MAF: variants seen among roughly 807,000 people sequenced by gnomAD.
The protein encoded by MAF is MAF bZIP transcription factor.
In MAF, 10 loss-of-function variants were observed where a neutral mutation model predicts 22.0. That is an observed-to-expected ratio of 0.45 (90% CI 0.28 to 0.77). MAF has a LOEUF of 0.77. MAF is among the 30% of genes least tolerant of loss of function. The probability of loss-of-function intolerance (pLI) is 0.12; values close to 1 mark genes in which losing one functional copy is unlikely to be tolerated. For synonymous variants in MAF, 337 were observed against 255.8 expected, an observed-to-expected ratio of 1.32 and a Z score of -3.03; for missense variants, 544 against 548.4, an observed-to-expected ratio of 0.99 and a Z score of 0.08.
At chr16:79,212,778 T>C in the MAF span, 1 of 152,144 alleles carries the variant, frequency 6.6e-6, no homozygotes, top group Admixed American at 6.5e-5. Flanking sequence ...ATAAAGCGCT[T>C]CTCGTAGATG....
chr16:79,215,108 G>A, the MAF span, among the ~76,000 whole-genome samples: 2 of 152,140 alleles, frequency 1.3e-5, no homozygotes, highest in Admixed American at 6.5e-5. Flanking sequence ...TCAATCTGCT[G>A]TTGTCCATAC....
the MAF span, among the ~76,000 whole-genome samples, chr16:79,575,887 CTCATTCCA>C: frequency 1.3e-5 from 2 of 152,140 alleles, no homozygotes; most frequent in Non-Finnish European, 2.9e-5. Context: ...CCTTGGAAGG[CTCATTCCA>C]TCACAAATGT....
the MAF span, among the ~76,000 whole-genome samples, chr16:79,246,611 T>C: frequency 2.0e-5 from 3 of 149,946 alleles, no homozygotes; most frequent in Middle Eastern, 3.4e-3. Flanking sequence ...AAAAAAGGAG[T>C]AGAAAACATG....
At chr16:79,568,193 C>T in the MAF span, among the ~76,000 whole-genome samples, 1 of 152,194 alleles carries the variant, frequency 6.6e-6, no homozygotes, top group African/African-American at 2.4e-5. Flanking sequence ...GGCATTTTAC[C>T]TCTGCGGCTG....
the MAF span, among the ~76,000 whole-genome samples, chr16:79,384,165 C>T: frequency 2.0e-5 from 3 of 151,992 alleles, no homozygotes; most frequent in East Asian, 1.9e-4. Flanking sequence ...AAGTGATGGC[C>T]GGGGGTGGTG....
chr16:79,351,623 G>C, the MAF span, among the ~76,000 whole-genome samples: 1 of 151,806 alleles, frequency 6.6e-6, no homozygotes, highest in Non-Finnish European at 1.5e-5. Flanking sequence ...TCTTGGAATT[G>C]TGGATTCAGG....
the MAF span, among the ~76,000 whole-genome samples, chr16:79,215,201 T>C: frequency 6.6e-6 from 1 of 152,222 alleles, no homozygotes; most frequent in Admixed American, 6.5e-5. Context: ...CCAGTGCCAC[T>C]GCTCCTTCCA....
the MAF span, among the ~76,000 whole-genome samples, chr16:79,228,958 G>A: frequency 1.3e-5 from 2 of 151,726 alleles, no homozygotes; most frequent in Non-Finnish European, 2.9e-5. Flanking sequence ...GGGAATGAGG[G>A]GCCAAGATGG....
At chr16:79,295,647 AG>A in the MAF span, among the ~76,000 whole-genome samples, 1 of 152,360 alleles carries the variant, frequency 6.6e-6, no homozygotes, top group African/African-American at 2.4e-5. Context: ...TAACCTGACC[AG>A]GTTTAATGCA....
chr16:79,318,551 G>T, the MAF span, among the ~76,000 whole-genome samples: 2 of 152,154 alleles, frequency 1.3e-5, no homozygotes, highest in Admixed American at 6.5e-5. Context: ...AAACTACATT[G>T]CTGGGTGTCA....
the MAF span, among the ~76,000 whole-genome samples, chr16:79,261,867 G>A: frequency 3.7e-3 from 565 of 152,332 alleles, 3 homozygotes; most frequent in African/African-American, 0.013. Context: ...TAGTGGAAGG[G>A]AGGGGCCAGA....
At chr16:79,524,853 A>G in the MAF span, among the ~76,000 whole-genome samples, 5 of 152,364 alleles carry the variant, frequency 3.3e-5, no homozygotes, top group South Asian at 6.2e-4. Flanking sequence ...GTGCTGTTCA[A>G]CTGTGTCAGG....
chr16:79,362,980 C>T, the MAF span, among the ~76,000 whole-genome samples: 16 of 152,142 alleles, frequency 1.1e-4, no homozygotes, highest in African/African-American at 3.6e-4. Context: ...ATCCTGTTAG[C>T]CTTGCATAAG....
chr16:79,379,169 C>T, the MAF span, among the ~76,000 whole-genome samples: 1 of 152,170 alleles, frequency 6.6e-6, no homozygotes, highest in African/African-American at 2.4e-5. Context: ...CAAGAATGTT[C>T]TCTTACTTGG....
At chr16:79,356,826 C>T in the MAF span, among the ~76,000 whole-genome samples, 1 of 152,186 alleles carries the variant, frequency 6.6e-6, no homozygotes, top group Non-Finnish European at 1.5e-5. Context: ...AATGCTTGCA[C>T]TTGTGGGTCT....
the MAF span, among the ~76,000 whole-genome samples, chr16:79,574,244 A>G: frequency 6.6e-6 from 1 of 152,194 alleles, no homozygotes. Flanking sequence ...GCGATCAAGT[A>G]TCTTGGTTAA....
chr16:79,590,422 G>A (rs1442470767), downstream of MAF, among the ~76,000 whole-genome samples: 1 of 152,178 alleles, frequency 6.6e-6, no homozygotes, highest in Non-Finnish European at 1.5e-5. Flanking sequence ...CTTAAAGTGG[G>A]GCGGAGGTGA....
Position 79,599,375 on chromosome 16 carries a change from G to A in MAF, c.528C>T (p.Gly176=). Residue 176 remains glycine (G), a synonymous_variant, in exon 1 of 2, where the codon GGC becomes GGT. Transcript: ENST00000326043. ...GGTGGTGGTGGTAGTGCGGGCCCGC[G>A]CCGCTCTGCGCGGCGGCCGCGGCGA... ...AVIAAAAAQS[G]AGPHYHHHHH... The A allele has an allele frequency of 4.0e-6, 4 of 1,004,262 alleles. No individual in the cohort carries two copies. Among genetic ancestry groups the A allele is most frequent in the Non-Finnish European group, 4.7e-6 (4 of 844,298 alleles). The allele number at this position is 1,004,262 out of a possible 1,614,324, so 62.2% of individuals were successfully genotyped here.
chr16:79,265,259 A>G, the MAF span, among the ~76,000 whole-genome samples: 2 of 152,206 alleles, frequency 1.3e-5, no homozygotes, highest in Non-Finnish European at 2.9e-5. Context: ...CCAAAAAGTC[A>G]TGGTGTAAAG....
Sources: gnomAD v4.1 joint callset for allele counts (sites outside exome capture counted in the v4.1 genomes callset) on GRCh38, gnomAD v4.1.1 for gene constraint, MANE v1.5 for transcripts, NCBI Gene and HGNC (gene_info 2026-07-23, HGNC 2026-07-21) for gene names.